The following SAMD12 variants were observed in gnomAD, a reference collection of about 807,000 sequenced individuals.
SAMD12 encodes sterile alpha motif domain containing 12, also known as sterile alpha motif domain-containing protein 12.
In SAMD12, 9 loss-of-function variants were observed where a neutral mutation model predicts 15.0. That is an observed-to-expected ratio of 0.60 (90% CI 0.36 to 1.05). SAMD12 has a LOEUF of 1.05. Ranked by LOEUF, SAMD12 falls within the 50% of genes least tolerant of loss-of-function variation. The pLI, the probability that SAMD12 is intolerant of heterozygous loss-of-function variation, is 0.01. For synonymous variants in SAMD12, 86 were observed against 90.1 expected (o/e 0.96, Z 0.25); for missense variants, 230 against 234.2 (o/e 0.98, Z 0.12).
intron 4 of SAMD12, among the ~76,000 whole-genome samples, chr8:118,294,224 G>A (rs1814583418): frequency 6.6e-6 from 1 of 152,184 alleles, no homozygotes; most frequent in African/African-American, 2.4e-5. Flanking sequence ...CTGACAGCCA[G>A]GAATGCCATT....
At chr8:118,401,330 C>G (rs145075869) in intron 3 of SAMD12, among the ~76,000 whole-genome samples, 2,846 of 152,234 alleles carry the variant, frequency 0.019, 35 homozygotes, top group Non-Finnish European at 0.027. Flanking sequence ...CTTACTGGTT[C>G]CTTTTCGCCT....
intron 2 of SAMD12, among the ~76,000 whole-genome samples, chr8:118,557,432 G>A (rs1033780364): frequency 6.6e-6 from 1 of 152,140 alleles, no homozygotes; most frequent in East Asian, 1.9e-4. Flanking sequence ...ACTAATACAG[G>A]GGACATTTAG....
the SAMD12 span, among the ~76,000 whole-genome samples, chr8:118,173,221 A>G: frequency 1.3e-5 from 2 of 152,188 alleles, no homozygotes; most frequent in Admixed American, 1.3e-4. Flanking sequence ...TTTGCCTTCC[A>G]TCCAAGTATT....
intron 2 of SAMD12, among the ~76,000 whole-genome samples, chr8:118,466,547 G>C (rs146526950): frequency 8.1e-4 from 123 of 152,112 alleles, no homozygotes; most frequent in African/African-American, 2.9e-3. Context: ...TAACACAAAA[G>C]TATTAACTAC....
At chr8:118,148,088 C>T in the SAMD12 span, among the ~76,000 whole-genome samples, 800 of 151,692 alleles carry the variant, frequency 5.3e-3, 4 homozygotes, top group African/African-American at 0.018. Context: ...CCACCATGCC[C>T]GGCTAATTTT....
At chr8:118,607,656 G>A (rs559355622) in intron 1 of SAMD12, among the ~76,000 whole-genome samples, 19 of 152,320 alleles carry the variant, frequency 1.2e-4, no homozygotes, top group Middle Eastern at 3.4e-3. Context: ...TGCAGATAGG[G>A]ATGATAATGA....
the SAMD12 span, among the ~76,000 whole-genome samples, chr8:118,143,498 T>C: frequency 8.9e-4 from 136 of 152,294 alleles, no homozygotes; most frequent in Non-Finnish European, 1.5e-3. Flanking sequence ...CCTGTGTACT[T>C]TGCGCCACAT....
At chr8:118,602,567 A>G (rs1827887195) in intron 1 of SAMD12, among the ~76,000 whole-genome samples, 1 of 152,234 alleles carries the variant, frequency 6.6e-6, no homozygotes, top group Admixed American at 6.5e-5. Context: ...AAAATTAATA[A>G]AATGGGTGGA....
the SAMD12 span, among the ~76,000 whole-genome samples, chr8:118,170,442 TTCTC>T: frequency 6.6e-6 from 1 of 152,198 alleles, no homozygotes; most frequent in Admixed American, 6.5e-5. Context: ...GAACACATAA[TTCTC>T]AACCAATAAC....
At chr8:118,220,919 G>T (rs1812070032) in intron 4 of SAMD12, among the ~76,000 whole-genome samples, 1 of 152,144 alleles carries the variant, frequency 6.6e-6, no homozygotes, top group South Asian at 2.1e-4. Context: ...AGATCTAAAA[G>T]GCAGGAGGGG....
intron 4 of SAMD12, among the ~76,000 whole-genome samples, chr8:118,330,727 A>G (rs996852210): frequency 2.0e-5 from 3 of 152,222 alleles, no homozygotes; most frequent in African/African-American, 4.8e-5. Flanking sequence ...TTAAAACTCA[A>G]TGAAAAGCAG....
intron 4 of SAMD12, among the ~76,000 whole-genome samples, chr8:118,228,232 C>G (rs956120349): frequency 1.3e-5 from 2 of 152,148 alleles, no homozygotes; most frequent in Non-Finnish European, 2.9e-5. Context: ...GCAAGGATTT[C>G]ATGACCAAGA....
chr8:118,287,169 G>C (rs909247144), intron 4 of SAMD12, among the ~76,000 whole-genome samples: 5 of 145,916 alleles, frequency 3.4e-5, no homozygotes, highest in Non-Finnish European at 5.9e-5. Context: ...CTTTCGCCCA[G>C]GCCGGACTAC....
intron 2 of SAMD12, among the ~76,000 whole-genome samples, chr8:118,480,364 T>A (rs747168844): frequency 4.6e-5 from 7 of 152,196 alleles, no homozygotes; most frequent in Non-Finnish European, 7.3e-5. Flanking sequence ...TACTACCATA[T>A]CTCACACAAC....
intron 4 of SAMD12, among the ~76,000 whole-genome samples, chr8:118,258,214 G>C (rs1812998261): frequency 6.6e-6 from 1 of 152,150 alleles, no homozygotes; most frequent in Non-Finnish European, 1.5e-5. Context: ...AACTGCAGCA[G>C]AACAGGAAAT....
intron 3 of SAMD12, among the ~76,000 whole-genome samples, chr8:118,390,790 AG>A (rs1230729310): frequency 6.6e-6 from 1 of 152,196 alleles, no homozygotes; most frequent in Non-Finnish European, 1.5e-5. Flanking sequence ...AAGGAAGAGA[AG>A]GGTTAATGGA....
At chr8:118,259,203 G>A (rs1813022417) in intron 4 of SAMD12, among the ~76,000 whole-genome samples, 1 of 152,102 alleles carries the variant, frequency 6.6e-6, no homozygotes, top group Non-Finnish European at 1.5e-5. Flanking sequence ...GTTCCAGCCA[G>A]TACTCTAGCT....
At chr8:118,470,490 C>A (rs1009981768) in intron 2 of SAMD12, among the ~76,000 whole-genome samples, 1 of 152,132 alleles carries the variant, frequency 6.6e-6, no homozygotes, top group African/African-American at 2.4e-5. Context: ...TCAACACTGA[C>A]CCGAATGACT....
At chr8:118,146,365 A>C in the SAMD12 span, among the ~76,000 whole-genome samples, 1 of 152,220 alleles carries the variant, frequency 6.6e-6, no homozygotes, top group African/African-American at 2.4e-5. Context: ...ATGGGGGTAA[A>C]GAACGGAGGG....
Sources: gnomAD v4.1 joint callset for allele counts (sites outside exome capture counted in the v4.1 genomes callset) on GRCh38, gnomAD v4.1.1 for gene constraint, MANE v1.5 for transcripts, NCBI Gene and HGNC (gene_info 2026-07-23, HGNC 2026-07-21) for gene names.